The following POLR2E variants were observed in gnomAD, a reference collection of about 807,000 sequenced individuals.
POLR2E encodes DNA-directed RNA polymerases I, II, and III subunit RPABC1.
A neutral mutation model predicts 29.8 loss-of-function variants in POLR2E; 35 were observed. The ratio of observed to expected loss-of-function variants is 1.17; its 90% CI spans 0.90 to 1.55. POLR2E has a LOEUF of 1.55. POLR2E is among the 40% of genes most tolerant of loss of function. The probability of loss-of-function intolerance (pLI) is 0.00; values close to 1 mark genes in which losing one functional copy is unlikely to be tolerated. For missense variants in POLR2E, 287 were observed against 288.6 expected, an observed-to-expected ratio of 0.99 and a Z score of 0.04; for synonymous variants, 174 against 112.6, an observed-to-expected ratio of 1.55 and a Z score of -3.45.
At position 1,090,893 on chromosome 19, in the gene POLR2E, G is replaced by C; in HGVS notation, c.429+15C>G. 6.2e-7 allele frequency: 1 copy of C among 1,609,158 alleles called. No individual in the cohort carries two copies. Among genetic ancestry groups the C allele is most frequent in the Non-Finnish European group, 8.5e-7 (1 of 1,177,908 alleles). ...GCCGGCCCCACGCAGGCGGGATTCCGCGGCGCGCGCCCACCTCGTGCTCCG... is the reference window on the plus strand; with the variant it reads ...GCCGGCCCCACGCAGGCGGGATTCCCCGGCGCGCGCCCACCTCGTGCTCCG... On this transcript the variant is annotated intron_variant, in intron 4 of 7. Coordinates refer to ENST00000615234, the MANE Select transcript of POLR2E (RefSeq NM_002695.5).
At position 1,092,785 on chromosome 19, in the gene POLR2E, G is replaced by A. The variant is rs140979282; in HGVS notation, c.233-878C>T. 1.4e-3 allele frequency among the ~76,000 whole-genome samples: 207 copies of A among 151,496 alleles called. 1 individual carries two copies. Among genetic ancestry groups the A allele is most frequent in the African/African-American group, 4.6e-3 (191 of 41,220 alleles). On this transcript the variant is annotated intron_variant, in intron 2 of 7. Transcript: ENST00000615234. Reference sequence around the variant, plus strand: ...AAACCTAGCTTTTTGGGAGGCTGAGGTGGAAGGATTGTTTGAACCTGGGAG... The same window carrying A: ...AAACCTAGCTTTTTGGGAGGCTGAGATGGAAGGATTGTTTGAACCTGGGAG...
Position 1,089,891 on chromosome 19 carries a change from C to A in POLR2E, c.560G>T (p.Arg187Leu). ...TCTCCCCACAGGGCTCACCTGCCCACGCTTTATCCCAAAGTAGCGCGCCAC... is the reference window on the plus strand; with the variant it reads ...TCTCCCCACAGGGCTCACCTGCCCAAGCTTTATCCCAAAGTAGCGCGCCAC... ...DPVARYFGIK[R>L]GQVVKIIRPS... The change falls in exon 6 of 8, where the codon CGT becomes CTT. Residue 187 changes from arginine to leucine, a missense_variant. Transcript: ENST00000615234. 6.2e-7 allele frequency: 1 copy of A among 1,611,880 alleles called. No homozygotes were observed.
rs758893398 is a variant in POLR2E, at chr19:1,089,908, G to T, written c.543C>A (p.Arg181=). ...CCTGCCCACGCTTTATCCCAAAGTAGCGCGCCACAGGGTCCCCCGCCTGGA... is the reference window on the plus strand; with the variant it reads ...CCTGCCCACGCTTTATCCCAAAGTATCGCGCCACAGGGTCCCCCGCCTGGA... ...PRIQAGDPVA[R]YFGIKRGQVV... is the part of the protein sequence containing the mutation. The change falls in exon 6 of 8, where the codon CGC becomes CGA. Residue 181 remains arginine (R), a synonymous_variant. Coordinates refer to ENST00000615234, the MANE Select transcript of POLR2E (RefSeq NM_002695.5). The T allele has an allele frequency of 6.2e-7, 1 of 1,612,600 alleles. No homozygotes were observed. The highest frequency in any genetic ancestry group is 8.5e-7 in the Non-Finnish European group (1 of 1,179,822).
At chr19:1,093,773 G>A in intron 2 of POLR2E, 131 bp downstream of exon 2, 1 of 1,417,104 alleles carries the variant, frequency 7.1e-7, no homozygotes, top group South Asian at 1.6e-5. Context: ...AAGGGGAGGG[G>A]AGTTTTCCTC....
chr19:1,090,897 C>T lies in POLR2E; in HGVS notation c.429+11G>A, dbSNP rs369222499. 7 of 1,610,162 alleles carry T rather than the reference C, an allele frequency of 4.3e-6. No individual in the cohort carries two copies. In the African/African-American group the frequency reaches 6.7e-5, roughly 15 times the overall value. Reference sequence around the variant, plus strand: ...GCCCCACGCAGGCGGGATTCCGCGGCGCGCGCCCACCTCGTGCTCCGTGAT... The same window carrying T: ...GCCCCACGCAGGCGGGATTCCGCGGTGCGCGCCCACCTCGTGCTCCGTGAT... On this transcript the variant is annotated intron_variant, in intron 4 of 7. Transcript: ENST00000615234.
rs2043816451 is a variant in POLR2E at position 1,090,995 on chromosome 19, G to A, written c.349-7C>T. 5.0e-6 allele frequency: 8 copies of A among 1,613,430 alleles called. No individual in the cohort carries two copies. Among genetic ancestry groups the A allele is most frequent in the Middle Eastern group, 1.7e-4 (1 of 6,060 alleles). On this transcript the variant is annotated splice_polypyrimidine_tract_variant and splice_region_variant and intron_variant, in intron 3 of 7. Coordinates refer to ENST00000615234, the MANE Select transcript of POLR2E (RefSeq NM_002695.5). ...GGGCCATGTCGACCAGGGACTGGAAGAGAGCGGCTCTAAGGCACGGCCCGG... is the reference window on the plus strand; with the variant it reads ...GGGCCATGTCGACCAGGGACTGGAAAAGAGCGGCTCTAAGGCACGGCCCGG...
At chr19:1,089,449 T>A (rs1239715139) in intron 7 of POLR2E, 23 bp downstream of exon 7, 6 of 1,543,626 alleles carry the variant, frequency 3.9e-6, no homozygotes, top group Admixed American at 1.7e-5. Flanking sequence ...CCCACCTCAG[T>A]GCCTGTCCCT....
chr19:1,091,640 G>A, intron 3 of POLR2E, 152 bp downstream of exon 3: 1 of 623,064 alleles, frequency 1.6e-6, no homozygotes, highest in South Asian at 1.8e-5. Context: ...GAGGGAGGCG[G>A]TCGGGGCTTG....
At chr19:1,089,420 C>A in intron 7 of POLR2E, 52 bp downstream of exon 7, 1 of 1,233,838 alleles carries the variant, frequency 8.1e-7, no homozygotes, top group Non-Finnish European at 1.2e-6. Flanking sequence ...ACGGAGGGGA[C>A]GACACCCCTG....
At chr19:1,094,807 G>A (rs1350730308) in intron 1 of POLR2E, 5 of 182,080 alleles carry the variant, frequency 2.7e-5, no homozygotes, top group Non-Finnish European at 4.6e-5. Flanking sequence ...CACGGGTTCC[G>A]AGCTCCACGT....
rs1054296887 is a variant in POLR2E, at chr19:1,086,931, G to C, written c.*1804C>G. 1.3e-5 allele frequency: 2 copies of C among 152,082 alleles called. No homozygotes were observed. Among genetic ancestry groups the C allele is most frequent in the African/African-American group, 4.8e-5 (2 of 41,396 alleles). The allele number at this position is 152,082 out of a possible 1,614,324, so 9.4% of individuals were successfully genotyped here. On this transcript the variant is annotated 3_prime_UTR_variant, in exon 8 of 8. Transcript: ENST00000615234. ...ACGTATCCCCCGGCTCTAAGGTTTC[G>C]CACGTCAGCCCCACATGGCCACCAA... is the stretch of plus-strand genomic sequence containing the variant.
chr19:1,092,023 G>T (rs531374614), intron 2 of POLR2E, 116 bp from the exon 3 acceptor site: 2 of 711,168 alleles, frequency 2.8e-6, no homozygotes, highest in African/African-American at 3.5e-5. Flanking sequence ...TCTCCTGCTC[G>T]GGCCTCGGCT....
In POLR2E at chr19:1,087,535, A is replaced by AC. The variant is rs1398026561; in HGVS notation, c.*1199dup. On this transcript the variant is annotated 3_prime_UTR_variant, in exon 8 of 8. Coordinates refer to ENST00000615234, the MANE Select transcript of POLR2E (RefSeq NM_002695.5). ...CCCTCCCTCCTCCCCAGCCCTGGGAACCCCCATCCCCACCCAACTCCCCAG... is the reference window on the plus strand; with the variant it reads ...CCCTCCCTCCTCCCCAGCCCTGGGAACCCCCCATCCCCACCCAACTCCCCAG... 1 of 151,630 alleles carries AC rather than the reference A, an allele frequency of 6.6e-6. No homozygotes were observed. Among genetic ancestry groups the AC allele is most frequent in the African/African-American group, 2.4e-5 (1 of 41,096 alleles). The allele number at this position is 151,630 out of a possible 1,614,324, so 9.4% of individuals were successfully genotyped here.
intron 2 of POLR2E, 49 bp from the exon 3 acceptor site, chr19:1,091,956 C>A: frequency 1.5e-6 from 2 of 1,322,346 alleles, no homozygotes; most frequent in Non-Finnish European, 2.2e-6. Context: ...CCCTCGTGGC[C>A]CTCGCCCACC....
chr19:1,095,152 A>C (rs10416031), intron 1 of POLR2E, 107 bp downstream of exon 1: 1 of 1,215,646 alleles, frequency 8.2e-7, no homozygotes. Flanking sequence ...CCGGCCCTTC[A>C]TCGCTGCTGC....
intron 2 of POLR2E, 189 bp downstream of exon 2, chr19:1,093,715 G>C: frequency 2.2e-6 from 3 of 1,375,974 alleles, no homozygotes; most frequent in Non-Finnish European, 2.8e-6. Context: ...CTAGAAAGAA[G>C]CTGAGCATGA....
At chr19:1,094,919 C>A in intron 1 of POLR2E, 1 of 386,720 alleles carries the variant, frequency 2.6e-6, no homozygotes, top group Non-Finnish European at 4.7e-6. Flanking sequence ...GGACAAATAG[C>A]GACGCTGAAT....
intron 1 of POLR2E, 23 bp from the exon 2 acceptor site, chr19:1,094,101 G>A: frequency 6.3e-7 from 1 of 1,595,492 alleles, no homozygotes; most frequent in Non-Finnish European, 8.5e-7. Flanking sequence ...AGAACCAGCT[G>A]ACCCCAGGGC....
At chr19:1,089,442 A>T (rs761881188) in intron 7 of POLR2E, 30 bp downstream of exon 7, 1 of 1,485,624 alleles carries the variant, frequency 6.7e-7, no homozygotes, top group Admixed American at 1.7e-5. Flanking sequence ...CTCTGACCCC[A>T]CCTCAGTGCC....
Sources: allele counts gnomAD v4.1 joint callset (sites outside exome capture counted in the v4.1 genomes callset), GRCh38; gene constraint gnomAD v4.1.1; transcripts MANE v1.5; gene names NCBI Gene and HGNC (gene_info 2026-07-23, HGNC 2026-07-21).